The following CCDC92 variants were observed in gnomAD, a reference collection of about 807,000 sequenced individuals.
The protein encoded by CCDC92 is coiled-coil domain containing 92.
In CCDC92, 12 loss-of-function variants were observed where a neutral mutation model predicts 24.9. That is an observed-to-expected ratio of 0.48 (90% CI 0.31 to 0.78). The LOEUF (loss-of-function observed/expected upper bound fraction) is 0.78. CCDC92 is among the 30% of genes least tolerant of loss of function. The pLI is 0.05. For missense variants in CCDC92, 399 were observed against 439.4 expected, an observed-to-expected ratio of 0.91 and a Z score of 0.82; for synonymous variants, 193 against 196.3, an observed-to-expected ratio of 0.98 and a Z score of 0.14.
intron 1 of CCDC92, among the ~76,000 whole-genome samples, chr12:123,949,599 C>T (rs544743947): frequency 4.7e-4 from 71 of 152,344 alleles, no homozygotes; most frequent in African/African-American, 1.7e-3. Flanking sequence ...GGGTCAAAGT[C>T]CTGCTGAATA....
At chr12:123,969,349 G>A (rs1379966195) in intron 1 of CCDC92, among the ~76,000 whole-genome samples, 1 of 151,882 alleles carries the variant, frequency 6.6e-6, no homozygotes, top group Non-Finnish European at 1.5e-5. Context: ...TAATGTAGGT[G>A]GATATGACTG....
chr12:123,956,945 A>G (rs532206956), intron 1 of CCDC92, among the ~76,000 whole-genome samples: 1 of 152,378 alleles, frequency 6.6e-6, no homozygotes, highest in African/African-American at 2.4e-5. Flanking sequence ...TCAGAGAATG[A>G]GAGGCAATCC....
At chr12:123,965,575 A>G (rs1459845541) in intron 1 of CCDC92, among the ~76,000 whole-genome samples, 1 of 152,154 alleles carries the variant, frequency 6.6e-6, no homozygotes, top group Non-Finnish European at 1.5e-5. Flanking sequence ...TTTGGTGAAT[A>G]ACACGGTCAA....
At chr12:123,969,002 G>C (rs964773199) in intron 1 of CCDC92, among the ~76,000 whole-genome samples, 20 of 152,240 alleles carry the variant, frequency 1.3e-4, no homozygotes, top group Middle Eastern at 6.8e-3. Flanking sequence ...TTGTGTATTG[G>C]GCACTCTGGT....
chr12:123,949,635 T>C (rs928586723), intron 1 of CCDC92, among the ~76,000 whole-genome samples: 3 of 152,208 alleles, frequency 2.0e-5, no homozygotes, highest in Non-Finnish European at 4.4e-5. Flanking sequence ...GGCTCAAAGG[T>C]TAAGCCACAC....
chr12:123,953,366 A>G (rs1956073371), intron 1 of CCDC92, among the ~76,000 whole-genome samples: 3 of 108,978 alleles, frequency 2.8e-5, no homozygotes, highest in Non-Finnish European at 4.1e-5. Flanking sequence ...GTGTAGATCT[A>G]TATTTACCGA....
At chr12:123,949,844 G>A (rs1022717836) in intron 1 of CCDC92, among the ~76,000 whole-genome samples, 6 of 152,264 alleles carry the variant, frequency 3.9e-5, no homozygotes, top group Admixed American at 2.6e-4. Flanking sequence ...AGGAAGGCCC[G>A]GCCTCGCCGA....
chr12:123,966,124 T>C (rs916837815), intron 1 of CCDC92: 1 of 152,234 alleles, frequency 6.6e-6, no homozygotes, highest in East Asian at 1.9e-4. Flanking sequence ...AGTGTGTCTA[T>C]TTGTAACAGG....
chr12:123,943,997 G>A, intron 2 of CCDC92: 1 of 514,114 alleles, frequency 1.9e-6, no homozygotes, highest in South Asian at 3.0e-5. Flanking sequence ...GCTTCCTCAT[G>A]GGAAAAGCTG....
At chr12:123,945,425 G>C (rs368422248) in intron 1 of CCDC92, 2 of 152,266 alleles carry the variant, frequency 1.3e-5, no homozygotes, top group East Asian at 3.8e-4. Flanking sequence ...TGCACAGCAC[G>C]TGGTCTTGGG....
In CCDC92 at chr12:123,943,432, C is replaced by G; in HGVS notation, c.96G>C (p.Lys32Asn). The G allele has an allele frequency of 1.2e-6, 2 of 1,614,214 alleles. No individual in the cohort carries two copies. Among genetic ancestry groups the G allele is most frequent in the Non-Finnish European group, 1.7e-6 (2 of 1,180,040 alleles). Reference sequence around the variant, plus strand: ...GCTCCCGCTGAAGGAACAGGAGGTTCTTCTGTGCGCTGTGCAGCTGGTTCT... The same window carrying G: ...GCTCCCGCTGAAGGAACAGGAGGTTGTTCTGTGCGCTGTGCAGCTGGTTCT... The part of the protein sequence containing the change: ...NLENQLHSAQ[K>N]NLLFLQREHA... The change falls in exon 3 of 5, where the codon AAG becomes AAC. Residue 32 changes from lysine (K) to asparagine (N), a missense_variant. Lys to Asn is a moderately conservative substitution (Grantham distance 94, BLOSUM62 0). Coordinates refer to ENST00000238156, the MANE Select transcript of CCDC92 (RefSeq NM_025140.3).
rs114547489 is a variant in CCDC92, at chr12:123,937,038, G to A, written c.*20C>T. The A allele has an allele frequency of 1.1e-3, 1,849 of 1,613,264 alleles. 22 individuals are homozygous for A. The African/African-American group carries it at 0.022, about 19-fold the overall frequency. On this transcript the variant is annotated 3_prime_UTR_variant, in exon 5 of 5. Transcript: ENST00000238156. The surrounding 1 kb of genome is among the most constrained non-coding windows in gnomAD (Gnocchi z 8.4). The stretch of plus-strand genomic sequence containing the variant: ...GGTGCTCACAGTGCATGGACAGCGC[G>A]GGGTGGGGCACGGCGGGCTTCACAC...
rs571696030 is a variant in CCDC92 at position 123,947,439 on chromosome 12, C to T, written c.-59-3075G>A. On this transcript the variant is annotated intron_variant, in intron 1 of 4. Transcript: ENST00000238156. ...GCCGGGCTCCTGAGTCTGGTGGGGA[C>T]GTGGGGAACCTTTATGTCTAGCTCA... Among the ~76,000 whole-genome samples the T allele has an allele frequency of 1.9e-3, 288 of 152,320 alleles. 2 individuals are homozygous for T. Among genetic ancestry groups the T allele is most frequent in the Non-Finnish European group, 3.2e-3 (219 of 68,028 alleles).
intron 1 of CCDC92, among the ~76,000 whole-genome samples, chr12:123,967,504 T>C (rs938338988): frequency 6.6e-6 from 1 of 152,160 alleles, no homozygotes; most frequent in African/African-American, 2.4e-5. Flanking sequence ...TCTGGGTTGA[T>C]GTGTGTGACA....
chr12:123,937,982 C>A lies in CCDC92; in HGVS notation c.224-152G>T. On this transcript the variant is annotated intron_variant, in intron 4 of 4. Coordinates refer to ENST00000238156, the MANE Select transcript of CCDC92 (RefSeq NM_025140.3). The surrounding 1 kb of genome is among the most constrained non-coding windows in gnomAD (Gnocchi z 8.4). ...AGGGCTGTGGGGGCTCTGGAAAGAC[C>A]CCTCCCCTCCCCGAGGTGGGGAGAT... is the stretch of plus-strand genomic sequence containing the variant. 1.4e-6 allele frequency: 1 copy of A among 736,784 alleles called. No homozygotes were observed. The highest frequency in any genetic ancestry group is 2.8e-5 in the Admixed American group (1 of 35,190). 45.6% of individuals were successfully genotyped at this position (736,784 alleles called of 1,614,324 possible). A position where few individuals can be genotyped will look rare whatever the true frequency, so the allele number is the denominator to read the frequency against.
chr12:123,971,002 C>T (rs1594522650), intron 1 of CCDC92, among the ~76,000 whole-genome samples: 1 of 151,846 alleles, frequency 6.6e-6, no homozygotes, highest in African/African-American at 2.4e-5. Context: ...AGTTATAAAC[C>T]CAAGATGAAT....
chr12:123,938,989 C>T (rs1955606537), intron 4 of CCDC92, among the ~76,000 whole-genome samples: 1 of 152,190 alleles, frequency 6.6e-6, no homozygotes, highest in African/African-American at 2.4e-5. Context: ...CCTAAATATT[C>T]TTGTCCTCTG....
intron 1 of CCDC92, chr12:123,970,028 A>T (rs1956489086): frequency 6.6e-6 from 1 of 152,222 alleles, no homozygotes; most frequent in Admixed American, 6.5e-5. Context: ...AATGTGCCAT[A>T]CAAATGCAAA....
At chr12:123,967,283 TC>T (rs1012710963) in intron 1 of CCDC92, among the ~76,000 whole-genome samples, 1 of 152,090 alleles carries the variant, frequency 6.6e-6, no homozygotes, top group African/African-American at 2.4e-5. Flanking sequence ...TAAAGATGAC[TC>T]AGTATCAGAT....
Sources: gnomAD v4.1 joint callset for allele counts (sites outside exome capture counted in the v4.1 genomes callset) on GRCh38, gnomAD v4.1.1 for gene constraint, Gnocchi (gnomAD v3.1) non-coding constraint, MANE v1.5 for transcripts, NCBI Gene and HGNC (gene_info 2026-07-23, HGNC 2026-07-21) for gene names.